The following SLC4A8 variants were observed in gnomAD, a reference collection of about 807,000 sequenced individuals.
SLC4A8 encodes solute carrier family 4 member 8.
In SLC4A8, 40 loss-of-function variants were observed where a neutral mutation model predicts 125.0. That is an observed-to-expected ratio of 0.32 (90% CI 0.25 to 0.42). The LOEUF (loss-of-function observed/expected upper bound fraction) is 0.42. SLC4A8 is among the 10% of genes least tolerant of loss of function. The pLI is 1.00. For synonymous variants in SLC4A8, 456 were observed against 476.0 expected (o/e 0.96, Z 0.55); for missense variants, 863 against 1,355.1 (o/e 0.64, Z 5.70).
chr12:51,493,019 C>CA (rs1333908060), intron 19 of SLC4A8, among the ~76,000 whole-genome samples: 4 of 152,066 alleles, frequency 2.6e-5, no homozygotes, highest in South Asian at 2.1e-4. Flanking sequence ...TATATAGTCC[C>CA]AAAAAAACTA....
intron 16 of SLC4A8, among the ~76,000 whole-genome samples, chr12:51,479,474 G>A (rs1950954593): frequency 6.6e-6 from 1 of 152,066 alleles, no homozygotes; most frequent in Admixed American, 6.5e-5. Flanking sequence ...ATTGCTTGAA[G>A]CCAGGAGTTC....
intron 16 of SLC4A8, among the ~76,000 whole-genome samples, chr12:51,483,752 A>G (rs1225129445): frequency 1.3e-5 from 2 of 151,418 alleles, no homozygotes; most frequent in South Asian, 4.2e-4. Flanking sequence ...TTTTTTTTTA[A>G]TTATACTTTA....
At position 51,507,540 on chromosome 12, in the gene SLC4A8, C is replaced by A; in HGVS notation, c.*102C>A. ...TCTCAGAGAAGAAGCAAGACCAAGT[C>A]TGGCCCTGTCCTTGGTCATCTCAAA... On this transcript the variant is annotated 3_prime_UTR_variant, in exon 25 of 25. Transcript: ENST00000453097. 3.7e-6 allele frequency: 3 copies of A among 800,222 alleles called. No individual in the cohort carries two copies. Among genetic ancestry groups the A allele is most frequent in the Non-Finnish European group, 5.5e-6 (3 of 548,854 alleles). 49.6% of individuals were successfully genotyped at this position (800,222 alleles called of 1,614,324 possible).
chr12:51,424,073 A>ACAAACAAAC (rs1565762351), upstream of SLC4A8, among the ~76,000 whole-genome samples: 1 of 130,610 alleles, frequency 7.7e-6, no homozygotes, highest in African/African-American at 2.7e-5. Context: ...CAACAAAAAA[A>ACAAACAAAC]AAACAAAAAA....
At chr12:51,461,968 C>T in intron 9 of SLC4A8, 1 of 187,492 alleles carries the variant, frequency 5.3e-6, no homozygotes, top group Non-Finnish European at 1.1e-5. Context: ...GAAAATTTCC[C>T]TCTCAACGTG....
chr12:51,408,316 G>A (rs1246965706), intron 1 of SLC4A8, among the ~76,000 whole-genome samples: 5 of 152,074 alleles, frequency 3.3e-5, no homozygotes, highest in East Asian at 1.9e-4. Context: ...TGCAACCTCC[G>A]TCCCCTGGGT....
chr12:51,401,329 C>T (rs539839893), intron 1 of SLC4A8, among the ~76,000 whole-genome samples: 6 of 152,176 alleles, frequency 3.9e-5, no homozygotes, highest in African/African-American at 1.4e-4. Context: ...CATATGTGGG[C>T]TTGGAGAATG....
intron 16 of SLC4A8, among the ~76,000 whole-genome samples, chr12:51,477,236 T>C (rs1363431464): frequency 6.6e-6 from 1 of 152,212 alleles, no homozygotes; most frequent in Non-Finnish European, 1.5e-5. Context: ...ATATTTTTAA[T>C]TTAAATCATA....
At chr12:51,478,457 A>G (rs553907254) in intron 16 of SLC4A8, among the ~76,000 whole-genome samples, 1 of 151,878 alleles carries the variant, frequency 6.6e-6, no homozygotes, top group Non-Finnish European at 1.5e-5. Context: ...AAAATTACAG[A>G]CGCAAAGAAA....
At chr12:51,446,226 G>A (rs892799370) in intron 2 of SLC4A8, among the ~76,000 whole-genome samples, 3 of 152,108 alleles carry the variant, frequency 2.0e-5, no homozygotes, top group African/African-American at 7.2e-5. Flanking sequence ...TGTTAAAAAT[G>A]ACCTGAGATA....
intron 16 of SLC4A8, among the ~76,000 whole-genome samples, chr12:51,476,672 G>T (rs1950863100): frequency 6.6e-6 from 1 of 152,080 alleles, no homozygotes; most frequent in South Asian, 2.1e-4. Context: ...CAAAAATGGG[G>T]ATGTGCTCCC....
In SLC4A8 at chr12:51,453,666, GA is replaced by G; in HGVS notation, c.542del (p.Asp181ValfsTer7). On this transcript the variant is annotated frameshift_variant, in exon 5 of 25. Coordinates refer to ENST00000453097, the MANE Select transcript of SLC4A8 (RefSeq NM_001039960.3). LOFTEE classifies it high-confidence loss of function. ...SCLINGTVLL[D>X]MHANSIEEIS... The stretch of plus-strand genomic sequence containing the variant: ...CCTTATTAATGGAACAGTCCTCCTG[GA>G]TATGCATGCAAATAGCATAGAAGAA... 6.2e-7 allele frequency: 1 copy of G among 1,614,112 alleles called. No homozygotes were observed. The highest frequency in any genetic ancestry group is 8.5e-7 in the Non-Finnish European group (1 of 1,179,990).
At chr12:51,416,002 G>A (rs576040077) in intron 1 of SLC4A8, among the ~76,000 whole-genome samples, 8 of 151,612 alleles carry the variant, frequency 5.3e-5, no homozygotes, top group East Asian at 3.9e-4. Context: ...GTAAGAGTAC[G>A]ACCTCTACTC....
intron 19 of SLC4A8, among the ~76,000 whole-genome samples, chr12:51,490,587 T>TGG (rs1565817756): frequency 3.1e-5 from 4 of 129,630 alleles, no homozygotes; most frequent in African/African-American, 5.9e-5. Context: ...AAAAAAAAGA[T>TGG]GAGGTGGAGC....
At chr12:51,476,424 T>C (rs939892056) in intron 16 of SLC4A8, among the ~76,000 whole-genome samples, 8 of 151,978 alleles carry the variant, frequency 5.3e-5, no homozygotes, top group Non-Finnish European at 1.0e-4. Flanking sequence ...GAGGTTGTAG[T>C]GAGCTGTGAT....
chr12:51,481,564 A>AG (rs894652580), intron 16 of SLC4A8, among the ~76,000 whole-genome samples: 1 of 152,096 alleles, frequency 6.6e-6, no homozygotes. Context: ...GGGAGACAGC[A>AG]GGGGGCAGGG....
intron 1 of SLC4A8, among the ~76,000 whole-genome samples, chr12:51,432,306 GA>G: frequency 6.6e-6 from 1 of 151,394 alleles, no homozygotes. Context: ...ACCTACTCGG[GA>G]GGCTGAGGCA....
intron 2 of SLC4A8, among the ~76,000 whole-genome samples, chr12:51,445,248 A>G (rs1054063806): frequency 2.6e-5 from 4 of 152,198 alleles, no homozygotes; most frequent in South Asian, 2.1e-4. Flanking sequence ...ATGGCTCACC[A>G]CAGCCTCCAC....
intron 1 of SLC4A8, among the ~76,000 whole-genome samples, chr12:51,436,173 T>G (rs1949404725): frequency 1.3e-5 from 2 of 152,230 alleles, no homozygotes; most frequent in Admixed American, 1.3e-4. Context: ...TCAGCCGCAC[T>G]GGGAGTGACA....
Sources: gnomAD v4.1 joint callset for allele counts (sites outside exome capture counted in the v4.1 genomes callset) on GRCh38, gnomAD v4.1.1 for gene constraint, MANE v1.5 for transcripts, NCBI Gene and HGNC (gene_info 2026-07-23, HGNC 2026-07-21) for gene names.